The following LAMA2 variants were observed in gnomAD, a reference collection of about 807,000 sequenced individuals.
The protein encoded by LAMA2 is laminin subunit alpha-2.
LAMA2 carries 269 observed loss-of-function variants against 364.8 expected under a neutral mutation model. That is an observed-to-expected ratio of 0.74 (90% CI 0.67 to 0.82). The LOEUF (loss-of-function observed/expected upper bound fraction) is 0.82, where lower values mean the gene tolerates loss of function less well. LAMA2 is among the 40% of genes least tolerant of loss of function. The pLI is 0.00. For synonymous variants in LAMA2, 1,379 were observed against 1,370.6 expected (o/e 1.01, Z -0.14); for missense variants, 3,807 against 3,873.2 (o/e 0.98, Z 0.45).
At chr6:129,324,707 T>A (rs984867095) in intron 28 of LAMA2, among the ~76,000 whole-genome samples, 1 of 152,200 alleles carries the variant, frequency 6.6e-6, no homozygotes, top group Non-Finnish European at 1.5e-5. Flanking sequence ...TGGTACTGAA[T>A]ACAGTAGGCA....
chr6:129,401,618 A>T (rs2114692972), intron 38 of LAMA2, among the ~76,000 whole-genome samples: 1 of 152,340 alleles, frequency 6.6e-6, no homozygotes, highest in Middle Eastern at 3.4e-3. Context: ...CTAGAGCAGC[A>T]CTTACAATCT....
At chr6:129,236,889 G>A (rs1157654455) in intron 12 of LAMA2, among the ~76,000 whole-genome samples, 1 of 152,072 alleles carries the variant, frequency 6.6e-6, no homozygotes, top group Non-Finnish European at 1.5e-5. Context: ...ATATGTGTAA[G>A]TATATGTAAT....
intron 1 of LAMA2, among the ~76,000 whole-genome samples, chr6:128,940,883 C>A (rs926272126): frequency 1.3e-5 from 2 of 152,148 alleles, no homozygotes; most frequent in African/African-American, 4.8e-5. Flanking sequence ...CCCAGGAGTT[C>A]CAGGCTGCAG....
chr6:129,383,461 T>C (rs1039639700), intron 35 of LAMA2, among the ~76,000 whole-genome samples: 1 of 152,232 alleles, frequency 6.6e-6, no homozygotes, highest in Non-Finnish European at 1.5e-5. Flanking sequence ...GAGGGCAGAA[T>C]AGCAGTAAAT....
intron 1 of LAMA2, among the ~76,000 whole-genome samples, chr6:128,906,619 C>T (rs1489013784): frequency 4.8e-4 from 73 of 151,728 alleles, no homozygotes; most frequent in Non-Finnish European, 8.1e-4. Flanking sequence ...TCTTTTGCTG[C>T]ACAGAAGCTC....
intron 40 of LAMA2, among the ~76,000 whole-genome samples, chr6:129,418,594 T>C (rs1780918271): frequency 6.6e-6 from 1 of 152,150 alleles, no homozygotes; most frequent in South Asian, 2.1e-4. Context: ...TGATGTCATA[T>C]AGGATTTTTT....
chr6:129,450,037 C>T (rs1782592792), intron 45 of LAMA2, among the ~76,000 whole-genome samples: 2 of 151,952 alleles, frequency 1.3e-5, no homozygotes, highest in East Asian at 1.9e-4. Flanking sequence ...ATCTCTTGAC[C>T]TCGTGATCCG....
chr6:128,966,945 G>A (rs1781878649), intron 1 of LAMA2, among the ~76,000 whole-genome samples: 1 of 152,136 alleles, frequency 6.6e-6, no homozygotes, highest in African/African-American at 2.4e-5. Flanking sequence ...CATTTGAAAG[G>A]CACCATTCTT....
chr6:128,915,811 C>T (rs1294439633), intron 1 of LAMA2, among the ~76,000 whole-genome samples: 1 of 152,026 alleles, frequency 6.6e-6, no homozygotes, highest in Non-Finnish European at 1.5e-5. Flanking sequence ...AGTATAAAAT[C>T]CAAGTCTTTA....
rs368941597 is a variant in LAMA2, at chr6:129,507,362, G to C, written c.8704-127G>C. On this transcript the variant is annotated intron_variant, in intron 61 of 64. Transcript: ENST00000421865. ...GTAACAGAGAACCCAGGCAGCTTTG[G>C]GGGATATCCCATCCTAAGACAACTG... The C allele has an allele frequency of 1.9e-4, 188 of 972,116 alleles. 2 individuals are homozygous for C. In the East Asian group the frequency reaches 2.9e-3, roughly 15 times the overall value. 60.2% of individuals were successfully genotyped at this position (972,116 alleles called of 1,614,324 possible).
At chr6:129,295,130 T>C (rs1773079972) in intron 20 of LAMA2, among the ~76,000 whole-genome samples, 1 of 152,210 alleles carries the variant, frequency 6.6e-6, no homozygotes, top group Admixed American at 6.5e-5. Context: ...GACTCCACAA[T>C]TGGTTAGCTC....
In LAMA2 at chr6:129,300,827, A is replaced by T. The variant is rs772541077; in HGVS notation, c.3129A>T (p.Lys1043Asn). The change falls in exon 22 of 65, where the codon AAA becomes AAT. Residue 1043 changes from lysine to asparagine, a missense_variant. Coordinates refer to ENST00000421865, the MANE Select transcript of LAMA2 (RefSeq NM_000426.4). ...PPNTIGEKCS[K>N]CAPNTWGHSI... is the part of the protein sequence containing the mutation. ...ATACCATTGGAGAGAAATGTTCTAAATGTGCACCCAATACCTGGGGCCACA... is the reference window on the plus strand; with the variant it reads ...ATACCATTGGAGAGAAATGTTCTAATTGTGCACCCAATACCTGGGGCCACA... The T allele has an allele frequency of 1.4e-5, 23 of 1,613,726 alleles. No individual in the cohort carries two copies. Among genetic ancestry groups the T allele is most frequent in the Non-Finnish European group, 1.9e-5 (22 of 1,179,762 alleles).
chr6:129,048,540 C>CTTTCTTTCTTTCTTT (rs1562188039), intron 1 of LAMA2, among the ~76,000 whole-genome samples: 1 of 53,944 alleles, frequency 1.9e-5, no homozygotes, highest in African/African-American at 5.3e-5. Flanking sequence ...TTCCTTCCTT[C>CTTTCTTTCTTTCTTT]CTTTCTTTCT....
intron 10 of LAMA2, among the ~76,000 whole-genome samples, chr6:129,183,715 T>G (rs1781065342): frequency 6.6e-6 from 1 of 151,958 alleles, no homozygotes; most frequent in Non-Finnish European, 1.5e-5. Context: ...TCAGGAAAGC[T>G]GCCCCTGCAT....
intron 3 of LAMA2, among the ~76,000 whole-genome samples, chr6:129,097,083 T>C (rs1051438635): frequency 2.0e-5 from 3 of 152,194 alleles, no homozygotes; most frequent in African/African-American, 7.2e-5. Flanking sequence ...GTCCTCCCAA[T>C]TGTGCCCCAC....
At chr6:129,125,450 A>ATC (rs1164209836) in intron 4 of LAMA2, among the ~76,000 whole-genome samples, 1 of 152,220 alleles carries the variant, frequency 6.6e-6, no homozygotes, top group Non-Finnish European at 1.5e-5. Context: ...TCTAAGGAAC[A>ATC]TCTACCTTTA....
At position 128,961,647 on chromosome 6, in the gene LAMA2, C is replaced by T. The variant is rs143513335; in HGVS notation, c.112+78290C>T. 5.3e-3 allele frequency among the ~76,000 whole-genome samples: 806 copies of T among 151,610 alleles called. 7 individuals are homozygous for T. The highest frequency in any genetic ancestry group is 0.018 in the African/African-American group (761 of 41,356). The stretch of plus-strand genomic sequence containing the variant: ...TTTCTGCCTGCTTTATATTTGCTGG[C>T]GGCTGATTAGATTGTGCCCACCAGA... On this transcript the variant is annotated intron_variant, in intron 1 of 64. Coordinates refer to ENST00000421865, the MANE Select transcript of LAMA2 (RefSeq NM_000426.4).
chr6:129,453,184 GT>G, intron 46 of LAMA2, 53 bp downstream of exon 46: 1 of 1,516,664 alleles, frequency 6.6e-7, no homozygotes, highest in Non-Finnish European at 9.1e-7. Context: ...ATAGCTAGAG[GT>G]TAATCTGAAA....
chr6:129,369,428 G>T (rs1156788984), intron 33 of LAMA2, among the ~76,000 whole-genome samples: 1 of 152,170 alleles, frequency 6.6e-6, no homozygotes, highest in East Asian at 1.9e-4. Flanking sequence ...GCCTAGCCAG[G>T]TCTCTATGTT....
Sources: gnomAD v4.1 joint callset for allele counts (sites outside exome capture counted in the v4.1 genomes callset) on GRCh38, gnomAD v4.1.1 for gene constraint, MANE v1.5 for transcripts, NCBI Gene and HGNC (gene_info 2026-07-23, HGNC 2026-07-21) for gene names.